The following LYPD6B variants were observed in gnomAD, a reference collection of about 807,000 sequenced individuals.
The protein encoded by LYPD6B is LY6/PLAUR domain containing 6B, also known as ly6/PLAUR domain-containing protein 6B.
Under a neutral mutation model 22.8 loss-of-function variants are expected in LYPD6B, and 17 were observed. The observed-to-expected ratio is 0.75, with a 90% CI of 0.51 to 1.12. The LOEUF (loss-of-function observed/expected upper bound fraction) is 1.12, where lower values mean the gene tolerates loss of function less well. Among genes scored for constraint, LYPD6B ranks in the 50% most tolerant of loss-of-function variants. The pLI is 0.00. For missense variants in LYPD6B, 221 were observed against 258.3 expected, an observed-to-expected ratio of 0.86 and a Z score of 0.99; for synonymous variants, 106 against 91.6, an observed-to-expected ratio of 1.16 and a Z score of -0.90.
At chr2:149,040,899 A>G (rs1422873337) in intron 1 of LYPD6B, among the ~76,000 whole-genome samples, 2 of 152,190 alleles carry the variant, frequency 1.3e-5, no homozygotes, top group Admixed American at 6.5e-5. Flanking sequence ...TAAATGCTCA[A>G]CATATGCCAG....
chr2:149,079,155 C>T lies in LYPD6B; in HGVS notation c.-67+40354C>T, dbSNP rs147189056. On this transcript the variant is annotated intron_variant, in intron 1 of 6. Transcript: ENST00000409642. ...TCTAGTTTGTGAGCTCAACTCTAAG[C>T]TCTGTGAGGGCGGGGCTGGTGTCTG... Among the ~76,000 whole-genome samples, 1,315 of 151,274 alleles carry T rather than the reference C, an allele frequency of 8.7e-3. 15 individuals carry two copies. Among genetic ancestry groups the T allele is most frequent in the Non-Finnish European group, 0.015 (1,019 of 67,924 alleles).
rs549459987 is a variant in LYPD6B at position 149,060,497 on chromosome 2, A to C, written c.-67+21696A>C. Among the ~76,000 whole-genome samples the C allele has an allele frequency of 6.6e-4, 100 of 152,322 alleles. 1 individual carries two copies. The highest frequency in any genetic ancestry group is 9.6e-4 in the East Asian group (5 of 5,188). ...CTGTGTATTAGTTAACTGGTGTAAT[A>C]ATACCATGTAAAAATACTGTAAAAC... On this transcript the variant is annotated intron_variant, in intron 1 of 6. Transcript: ENST00000409642.
At chr2:149,192,977 G>A (rs973423523) in intron 3 of LYPD6B, among the ~76,000 whole-genome samples, 1 of 152,068 alleles carries the variant, frequency 6.6e-6, no homozygotes, top group Admixed American at 6.6e-5. Context: ...TGCTGTGCTC[G>A]CTTCTGGAGT....
intron 1 of LYPD6B, among the ~76,000 whole-genome samples, chr2:149,119,420 G>T (rs1436966179): frequency 6.6e-6 from 1 of 152,192 alleles, no homozygotes; most frequent in African/African-American, 2.4e-5. Flanking sequence ...CGAAGACATT[G>T]TCTTTCTGAC....
chr2:149,151,243 C>T (rs568776239), intron 2 of LYPD6B, among the ~76,000 whole-genome samples: 2 of 152,166 alleles, frequency 1.3e-5, no homozygotes, highest in South Asian at 2.1e-4. Context: ...GTAGTTTCTC[C>T]GGAGAAGAAT....
At chr2:149,082,013 GT>G (rs1247727238) in intron 1 of LYPD6B, among the ~76,000 whole-genome samples, 4 of 152,136 alleles carry the variant, frequency 2.6e-5, no homozygotes, top group Non-Finnish European at 4.4e-5. Flanking sequence ...AAGTACTGGA[GT>G]CACTTTCCAC....
At chr2:149,069,180 TGGGG>T (rs1421333355) in intron 1 of LYPD6B, among the ~76,000 whole-genome samples, 1 of 136,828 alleles carries the variant, frequency 7.3e-6, no homozygotes, top group Non-Finnish European at 1.6e-5. Context: ...GGTGGGCTGG[TGGGG>T]GTGGCCTTGG....
At chr2:149,124,281 C>T in intron 1 of LYPD6B, among the ~76,000 whole-genome samples, 1 of 152,192 alleles carries the variant, frequency 6.6e-6, no homozygotes, top group Middle Eastern at 3.2e-3. Flanking sequence ...AGACCAACTA[C>T]CTTGTAATTA....
Position 149,074,268 on chromosome 2 carries a change from G to GCACACACA in LYPD6B, c.-67+35481_-67+35488dup, listed in dbSNP as rs60123351. Among the ~76,000 whole-genome samples, 360 of 150,540 alleles carry GCACACACA rather than the reference G, an allele frequency of 2.4e-3. 2 individuals carry two copies. Among genetic ancestry groups the GCACACACA allele is most frequent in the African/African-American group, 8.4e-3 (347 of 41,084 alleles). On this transcript the variant is annotated intron_variant, in intron 1 of 6. Transcript: ENST00000409642. ...CACACACATGCATACACGCATGCATGCACACACACACACACACACACGCAC... is the reference window on the plus strand; with the variant it reads ...CACACACATGCATACACGCATGCATGCACACACACACACACACACACACACACACGCAC...
chr2:149,048,969 A>G (rs1287112026), intron 1 of LYPD6B, among the ~76,000 whole-genome samples: 1 of 152,212 alleles, frequency 6.6e-6, no homozygotes, highest in Non-Finnish European at 1.5e-5. Flanking sequence ...AGGATTAGGT[A>G]TGGATATCGT....
intron 3 of LYPD6B, among the ~76,000 whole-genome samples, chr2:149,203,989 G>A (rs1334486068): frequency 6.6e-6 from 1 of 152,202 alleles, no homozygotes; most frequent in Non-Finnish European, 1.5e-5. Flanking sequence ...GCTTGTATAT[G>A]CAGAGATCAA....
At chr2:149,124,978 A>G (rs921898639) in intron 1 of LYPD6B, among the ~76,000 whole-genome samples, 2 of 152,210 alleles carry the variant, frequency 1.3e-5, no homozygotes, top group Admixed American at 1.3e-4. Flanking sequence ...GGTTACAAAG[A>G]AGCCTTTGAA....
intron 1 of LYPD6B, among the ~76,000 whole-genome samples, chr2:149,115,008 C>T (rs1377402430): frequency 5.9e-5 from 9 of 152,116 alleles, no homozygotes; most frequent in South Asian, 2.1e-4. Flanking sequence ...GGCATGGTCT[C>T]GGCTCACTGC....
At chr2:149,128,586 A>T (rs982029397) in intron 1 of LYPD6B, among the ~76,000 whole-genome samples, 3 of 152,198 alleles carry the variant, frequency 2.0e-5, no homozygotes, top group African/African-American at 7.2e-5. Context: ...TCTCACCTGG[A>T]TAGAGACTAT....
intron 3 of LYPD6B, among the ~76,000 whole-genome samples, chr2:149,162,654 G>C (rs986580356): frequency 9.9e-5 from 15 of 152,162 alleles, no homozygotes; most frequent in African/African-American, 3.6e-4. Context: ...ACAGCAGAAA[G>C]AATTAAGAGT....
Position 149,205,368 on chromosome 2 carries a change from A to G in LYPD6B, c.193A>G (p.Asn65Asp). ...CTCAGAAAGCTGGGCATTTGCCAAG[A>G]ACATCAACTTCTATAATGTGAGGCC... Reference protein sequence around the residue: ...IFSESWAFAKNINFYNVRPPL... With the variant: ...IFSESWAFAKDINFYNVRPPL... Residue 65 changes from asparagine to aspartate, a missense_variant, in exon 4 of 7, where the codon AAC becomes GAC. Asn to Asp is a conservative substitution (Grantham distance 23). Transcript: ENST00000409642. The G allele has an allele frequency of 6.2e-7, 1 of 1,613,992 alleles. No homozygotes were observed. The highest frequency in any genetic ancestry group is 8.5e-7 in the Non-Finnish European group (1 of 1,179,852).
chr2:149,181,349 A>C (rs1404787883), intron 3 of LYPD6B, among the ~76,000 whole-genome samples: 1 of 151,022 alleles, frequency 6.6e-6, no homozygotes. Flanking sequence ...GTTTGTAAAC[A>C]CCAAATCCCC....
intron 1 of LYPD6B, among the ~76,000 whole-genome samples, chr2:149,107,247 G>GAT (rs1222814377): frequency 6.6e-6 from 1 of 152,144 alleles, no homozygotes; most frequent in Non-Finnish European, 1.5e-5. Context: ...AACTGAGAAG[G>GAT]ATACTAAGTG....
intron 4 of LYPD6B, chr2:149,206,110 C>T (rs920265780): frequency 8.7e-5 from 36 of 415,330 alleles, no homozygotes; most frequent in East Asian, 1.4e-4. Context: ...GTAGTTCCCA[C>T]GCCTGGAAGA....
Sources: allele counts gnomAD v4.1 joint callset (sites outside exome capture counted in the v4.1 genomes callset), GRCh38; gene constraint gnomAD v4.1.1; transcripts MANE v1.5; gene names NCBI Gene and HGNC (gene_info 2026-07-23, HGNC 2026-07-21).